Variants in PTPRT observed in about 807,000 individuals in gnomAD.
PTPRT encodes the protein receptor-type tyrosine-protein phosphatase T.
Under a neutral mutation model 176.8 loss-of-function variants are expected in PTPRT, and 56 were observed. The ratio of observed to expected loss-of-function variants is 0.32; its 90% CI spans 0.26 to 0.40. The LOEUF is 0.40. PTPRT is among the 10% of genes least tolerant of loss of function. The pLI, the probability that PTPRT is intolerant of heterozygous loss-of-function variation, is 1.00. For synonymous variants in PTPRT, 783 were observed against 739.0 expected, an observed-to-expected ratio of 1.06 and a Z score of -0.96; for missense variants, 1,540 against 1,908.2, an observed-to-expected ratio of 0.81 and a Z score of 3.60.
chr20:42,701,956 A>G (rs918940727), intron 6 of PTPRT, among the ~76,000 whole-genome samples: 1 of 152,152 alleles, frequency 6.6e-6, no homozygotes. Context: ...CCATAGAGGT[A>G]TCAAGTGGCA....
chr20:42,628,831 A>G (rs2145881009), intron 7 of PTPRT, among the ~76,000 whole-genome samples: 1 of 152,314 alleles, frequency 6.6e-6, no homozygotes, highest in South Asian at 2.1e-4. Flanking sequence ...ACACAATTTC[A>G]GCAGAGTGGA....
At chr20:43,016,723 A>G (rs1035394631) in intron 1 of PTPRT, among the ~76,000 whole-genome samples, 2 of 151,632 alleles carry the variant, frequency 1.3e-5, no homozygotes, top group Non-Finnish European at 2.9e-5. Context: ...TTTTTAGTAG[A>G]GACAGGATTT....
intron 6 of PTPRT, among the ~76,000 whole-genome samples, chr20:42,717,894 C>T (rs977712162): frequency 2.0e-5 from 3 of 151,582 alleles, no homozygotes; most frequent in Admixed American, 6.6e-5. Flanking sequence ...TGTGCATGCG[C>T]GTGCACACGC....
chr20:43,058,250 G>T (rs1987320263), intron 1 of PTPRT, among the ~76,000 whole-genome samples: 1 of 152,090 alleles, frequency 6.6e-6, no homozygotes. Context: ...CACAGAGAGA[G>T]AAATGAGACA....
chr20:42,840,627 G>A (rs1349551762), intron 2 of PTPRT, among the ~76,000 whole-genome samples: 1 of 152,072 alleles, frequency 6.6e-6, no homozygotes, highest in African/African-American at 2.4e-5. Flanking sequence ...TGGCCAGGCT[G>A]GTCTCAAACT....
At chr20:42,362,838 G>A (rs1027045744) in intron 9 of PTPRT, among the ~76,000 whole-genome samples, 2 of 151,944 alleles carry the variant, frequency 1.3e-5, no homozygotes, top group Non-Finnish European at 1.5e-5. Flanking sequence ...AGGCGCGGTG[G>A]CTCACGCCTG....
At chr20:42,375,366 C>T (rs1309282649) in intron 9 of PTPRT, among the ~76,000 whole-genome samples, 2 of 152,104 alleles carry the variant, frequency 1.3e-5, no homozygotes, top group Non-Finnish European at 2.9e-5. Flanking sequence ...AAACTTAATT[C>T]CCATTGTGGT....
intron 15 of PTPRT, among the ~76,000 whole-genome samples, chr20:42,213,435 C>T (rs932474220): frequency 4.6e-5 from 7 of 152,122 alleles, no homozygotes; most frequent in South Asian, 2.1e-4. Context: ...AGAATCATGG[C>T]AACAACTGAT....
intron 1 of PTPRT, among the ~76,000 whole-genome samples, chr20:42,921,784 A>T (rs1004581826): frequency 2.0e-5 from 3 of 152,188 alleles, no homozygotes; most frequent in Non-Finnish European, 4.4e-5. Flanking sequence ...GGACAGTGAA[A>T]CTGCCCTCCT....
intron 9 of PTPRT, among the ~76,000 whole-genome samples, chr20:42,360,031 T>C (rs2058411928): frequency 6.6e-6 from 1 of 152,234 alleles, no homozygotes; most frequent in African/African-American, 2.4e-5. Context: ...TCCTATTGGC[T>C]GTGGGATCAA....
chr20:42,444,642 G>T (rs1016406521), intron 9 of PTPRT, among the ~76,000 whole-genome samples: 4 of 151,976 alleles, frequency 2.6e-5, no homozygotes, highest in Non-Finnish European at 4.4e-5. Flanking sequence ...CTGAGGCCAA[G>T]GTTGTATATA....
chr20:42,794,214 T>C (rs2077420027), intron 2 of PTPRT, among the ~76,000 whole-genome samples: 1 of 152,104 alleles, frequency 6.6e-6, no homozygotes, highest in African/African-American at 2.4e-5. Flanking sequence ...CCCTTTAGCA[T>C]TTGGTAGGGA....
chr20:43,155,926 G>C (rs766672610), intron 1 of PTPRT, among the ~76,000 whole-genome samples: 2 of 152,168 alleles, frequency 1.3e-5, no homozygotes, highest in Admixed American at 6.5e-5. Context: ...TATGTGAAGG[G>C]AGCCAAGTCG....
intron 1 of PTPRT, among the ~76,000 whole-genome samples, chr20:43,140,131 ATG>A (rs2013956085): frequency 6.6e-6 from 1 of 152,210 alleles, no homozygotes. Context: ...GTATTTAAAT[ATG>A]TGTGTGTGCA....
At chr20:42,435,650 T>C (rs183955036) in intron 9 of PTPRT, among the ~76,000 whole-genome samples, 1 of 152,312 alleles carries the variant, frequency 6.6e-6, no homozygotes, top group East Asian at 1.9e-4. Context: ...CTATGAGAGA[T>C]ATTAAAGAAA....
chr20:42,042,608 G>A, the PTPRT span, among the ~76,000 whole-genome samples: 120 of 152,280 alleles, frequency 7.9e-4, no homozygotes, highest in Non-Finnish European at 1.5e-3. Flanking sequence ...CATCTGAGCC[G>A]CTCTTTGGCA....
Position 42,557,621 on chromosome 20 carries a change from T to C in PTPRT, c.1154-85059A>G, listed in dbSNP as rs568305513. ...CCAGGTGAGTAGAAGAGCAAATGGA[T>C]CCAGACAATCAATAGCAAGGGGACA... On this transcript the variant is annotated intron_variant, in intron 7 of 30. Coordinates refer to ENST00000373187, the MANE Select transcript of PTPRT (RefSeq NM_007050.6). Among the ~76,000 whole-genome samples, 179 of 152,212 alleles carry C rather than the reference T, an allele frequency of 1.2e-3. 1 individual carries two copies. Among genetic ancestry groups the C allele is most frequent in the African/African-American group, 4.2e-3 (174 of 41,536 alleles).
At chr20:43,084,140 G>A (rs141024508) in intron 1 of PTPRT, among the ~76,000 whole-genome samples, 54 of 152,248 alleles carry the variant, frequency 3.5e-4, no homozygotes, top group African/African-American at 1.3e-3. Context: ...TAAAACTGTT[G>A]AGTAATATGG....
Position 42,104,635 on chromosome 20 carries a change from A to C in PTPRT, c.3474T>G (p.Ser1158=), listed in dbSNP as rs2146254876. ...NTAIPVCEFR[S]LYYNISRLDP... Reference sequence around the variant, plus strand: ...CCAGCCTGCTGATATTGTAGTAGAGAGAACGGAACTCACACACAGGGATGG... The same window carrying C: ...CCAGCCTGCTGATATTGTAGTAGAGCGAACGGAACTCACACACAGGGATGG... Residue 1158 remains serine, a synonymous_variant, in exon 25 of 31, where the codon TCT becomes TCG. Coordinates refer to ENST00000373187, the MANE Select transcript of PTPRT (RefSeq NM_007050.6). The C allele has an allele frequency of 2.5e-6, 4 of 1,607,192 alleles. No homozygotes were observed. In the East Asian group the frequency reaches 8.9e-5, roughly 36 times the overall value.
Sources: gnomAD v4.1 joint callset for allele counts (sites outside exome capture counted in the v4.1 genomes callset) on GRCh38, gnomAD v4.1.1 for gene constraint, MANE v1.5 for transcripts, NCBI Gene and HGNC (gene_info 2026-07-23, HGNC 2026-07-21) for gene names.